The following CEP76 variants were observed in gnomAD, a reference collection of about 807,000 sequenced individuals.
CEP76 encodes the protein centrosomal protein of 76 kDa.
Under a neutral mutation model 83.3 loss-of-function variants are expected in CEP76, and 55 were observed. The observed-to-expected ratio is 0.66, with a 90% CI of 0.53 to 0.83. The LOEUF is 0.83. Among genes scored for constraint, CEP76 ranks in the 40% least tolerant of loss-of-function variants. The pLI is 0.00. For missense variants in CEP76, 694 were observed against 799.5 expected (o/e 0.87, Z 1.59); for synonymous variants, 270 against 274.5 (o/e 0.98, Z 0.16).
In CEP76 at chr18:12,678,249, C is replaced by T. The variant is rs2039215752; in HGVS notation, c.1483G>A (p.Ala495Thr). 2 of 1,614,016 alleles carry T rather than the reference C, an allele frequency of 1.2e-6. No individual in the cohort carries two copies. The highest frequency in any genetic ancestry group is 1.3e-5 in the African/African-American group (1 of 74,914). Residue 495 changes from alanine (A) to threonine (T), a missense_variant, in exon 10 of 12, where the codon GCA (alanine) becomes ACA (threonine). Physicochemically the swap from Ala to Thr is moderately conservative, Grantham distance 58. Coordinates refer to ENST00000262127, the MANE Select transcript of CEP76 (RefSeq NM_024899.4). ...CCAGGAGCACACACAGATTTAATTG[C>T]TTCCTCACTCATGGGTTTCCATTTG... ...ESKWKPMSEE[A>T]IKSVCAPGAT...
intron 1 of CEP76, among the ~76,000 whole-genome samples, chr18:12,701,652 T>G (rs1326580204): frequency 6.6e-6 from 1 of 152,176 alleles, no homozygotes; most frequent in African/African-American, 2.4e-5. Context: ...TTTTATCACT[T>G]CAGCATCTTG....
intron 12 of CEP76, among the ~76,000 whole-genome samples, chr18:12,663,018 T>C (rs939435731): frequency 6.6e-6 from 1 of 152,182 alleles, no homozygotes; most frequent in African/African-American, 2.4e-5. Flanking sequence ...AAGATTTGAC[T>C]TGGAAAAGAC....
chr18:12,670,156 C>G (rs1057179594), downstream of CEP76, among the ~76,000 whole-genome samples: 4 of 151,508 alleles, frequency 2.6e-5, no homozygotes, highest in African/African-American at 9.7e-5. Context: ...AAGGTGAAAC[C>G]CCTCTCTAAT....
intron 8 of CEP76, among the ~76,000 whole-genome samples, chr18:12,682,339 A>G (rs901026852): frequency 6.6e-6 from 1 of 152,030 alleles, no homozygotes; most frequent in African/African-American, 2.4e-5. Flanking sequence ...ACAGGCACTC[A>G]TCACCAGGCC....
In CEP76 at chr18:12,673,751, G is replaced by C. The variant is rs376355586; in HGVS notation, c.1842-248C>G. Among the ~76,000 whole-genome samples, 27 of 152,128 alleles carry C rather than the reference G, an allele frequency of 1.8e-4. No homozygotes were observed. In the East Asian group the frequency reaches 2.5e-3, roughly 14 times the overall value. On this transcript the variant is annotated intron_variant, in intron 11 of 11. Coordinates refer to ENST00000262127, the MANE Select transcript of CEP76 (RefSeq NM_024899.4). ...CAAAAATTAGCCGCGTGTGGTGGCG[G>C]GCGTCTGTAATCCCAGCTACTTGGG...
At chr18:12,702,380 G>T in intron 1 of CEP76, 106 bp downstream of exon 1, 1 of 837,820 alleles carries the variant, frequency 1.2e-6, no homozygotes. Context: ...CACAATCCTC[G>T]CTACAGTCCC....
At chr18:12,664,973 AG>A (rs1262612084) in intron 12 of CEP76, 2 of 152,122 alleles carry the variant, frequency 1.3e-5, no homozygotes, top group African/African-American at 4.8e-5. Flanking sequence ...TGCTGGCGTG[AG>A]CCACTGCACC....
At chr18:12,691,884 T>C (rs1221130139) in intron 6 of CEP76, among the ~76,000 whole-genome samples, 4 of 151,430 alleles carry the variant, frequency 2.6e-5, no homozygotes, top group Non-Finnish European at 5.9e-5. Context: ...CTCAGCTAAA[T>C]TTTTTTTTGT....
chr18:12,668,597 CAAAAAAAAAAAAAAAA>C (rs752216074), downstream of CEP76, among the ~76,000 whole-genome samples: 17,191 of 73,284 alleles, frequency 0.23, 1,545 homozygotes, highest in African/African-American at 0.37. Flanking sequence ...GATTCCATCT[CAAAAAAAAAAAAAAAA>C]AAAAAAAAAA....
At chr18:12,702,218 C>T (rs544533224) in intron 1 of CEP76, among the ~76,000 whole-genome samples, 123 of 152,348 alleles carry the variant, frequency 8.1e-4, no homozygotes, top group African/African-American at 2.8e-3. Context: ...TCGCTAAGCG[C>T]TTCATTCTCA....
chr18:12,671,653 T>C (rs1338312684), downstream of CEP76, among the ~76,000 whole-genome samples: 1 of 141,746 alleles, frequency 7.1e-6, no homozygotes, highest in Non-Finnish European at 1.5e-5. Context: ...TTTTTTTTTT[T>C]TTTTTTTTTT....
chr18:12,678,074 A>C, intron 10 of CEP76, 35 bp downstream of exon 10: 1 of 1,520,096 alleles, frequency 6.6e-7, no homozygotes, highest in Non-Finnish European at 9.1e-7. Context: ...AAATGAAAAG[A>C]AGTATGAAAC....
intron 12 of CEP76, among the ~76,000 whole-genome samples, chr18:12,665,301 C>A (rs2038781584): frequency 6.6e-6 from 1 of 152,130 alleles, no homozygotes; most frequent in African/African-American, 2.4e-5. Context: ...GTGGTATGTG[C>A]CTGTGGTCCC....
chr18:12,691,576 CATT>C (rs1404351356), intron 6 of CEP76, 89 bp from the exon 7 acceptor site: 29 of 899,340 alleles, frequency 3.2e-5, no homozygotes, highest in Non-Finnish European at 4.8e-5. Context: ...TTCTCTACAT[CATT>C]ACCACCCTAA....
rs765652085 is a variant in CEP76, at chr18:12,683,186, C to CAAAAA, written c.1123-2363_1123-2359dup. ...GAAACCCCATCTCTACTAAAAATACCAAAAAAAAAAAAAAAAAAGCCAGGC... is the reference window on the plus strand; with the variant it reads ...GAAACCCCATCTCTACTAAAAATACCAAAAAAAAAAAAAAAAAAAAAAAGCCAGGC... On this transcript the variant is annotated intron_variant, in intron 8 of 11. Coordinates refer to ENST00000262127, the MANE Select transcript of CEP76 (RefSeq NM_024899.4). 1.1e-4 allele frequency among the ~76,000 whole-genome samples: 7 copies of CAAAAA among 63,674 alleles called. 1 individual carries two copies. The highest frequency in any genetic ancestry group is 1.5e-4 in the Non-Finnish European group (5 of 32,438). 41.8% of individuals were successfully genotyped at this position (63,674 alleles called of 152,430 possible).
At chr18:12,700,868 C>T (rs1568035266) in intron 2 of CEP76, 90 bp downstream of exon 2, 6 of 1,061,836 alleles carry the variant, frequency 5.7e-6, no homozygotes, top group Non-Finnish European at 4.0e-6. Context: ...TTTACTAAAA[C>T]GAAAGGCCCC....
Position 12,678,099 on chromosome 18 carries a change from T to C in CEP76, c.1623+10A>G, listed in dbSNP as rs1187424669. The C allele has an allele frequency of 6.3e-7, 1 of 1,593,970 alleles. No individual in the cohort carries two copies. Among genetic ancestry groups the C allele is most frequent in the Non-Finnish European group, 8.6e-7 (1 of 1,163,010 alleles). On this transcript the variant is annotated intron_variant, in intron 10 of 11. Coordinates refer to ENST00000262127, the MANE Select transcript of CEP76 (RefSeq NM_024899.4). ...AAGTATGAAACTACAACTATTTCAG[T>C]GTGAATTACCTTCCTGTGTTCTGAC...
intron 12 of CEP76, among the ~76,000 whole-genome samples, chr18:12,665,582 CCTT>C (rs1250645848): frequency 3.9e-5 from 6 of 152,152 alleles, no homozygotes; most frequent in Non-Finnish European, 8.8e-5. Flanking sequence ...GCAATCTAAT[CCTT>C]CTTAAGAGAT....
chr18:12,663,863 GT>G (rs1476222423), intron 12 of CEP76, among the ~76,000 whole-genome samples: 2 of 152,172 alleles, frequency 1.3e-5, no homozygotes, highest in Admixed American at 1.3e-4. Context: ...TCTAACTCCT[GT>G]GCTCAAAAGA....
Sources: allele counts gnomAD v4.1 joint callset (sites outside exome capture counted in the v4.1 genomes callset), GRCh38; gene constraint gnomAD v4.1.1; transcripts MANE v1.5; gene names NCBI Gene and HGNC (gene_info 2026-07-23, HGNC 2026-07-21).